The following TSHR variants were observed in gnomAD, a reference collection of about 807,000 sequenced individuals.
TSHR encodes the protein thyroid stimulating hormone receptor.
In TSHR, 51 loss-of-function variants were observed where a neutral mutation model predicts 64.1. That is an observed-to-expected ratio of 0.80 (90% CI 0.64 to 1.01). The LOEUF is 1.01. Among genes scored for constraint, TSHR ranks in the 50% least tolerant of loss-of-function variants. The pLI, the probability that TSHR is intolerant of heterozygous loss-of-function variation, is 0.00. For synonymous variants in TSHR, 361 were observed against 361.9 expected, an observed-to-expected ratio of 1.00 and a Z score of 0.03; for missense variants, 877 against 942.8, an observed-to-expected ratio of 0.93 and a Z score of 0.91.
At chr14:80,982,717 C>T in intron 1 of TSHR, 1 of 845,844 alleles carries the variant, frequency 1.2e-6, no homozygotes, top group Non-Finnish European at 1.7e-6. Context: ...GGCAAGCCCT[C>T]CTTCATATAT....
intron 2 of TSHR, among the ~76,000 whole-genome samples, chr14:81,067,530 C>T (rs115021467): frequency 0.033 from 4,636 of 141,898 alleles, 170 homozygotes; most frequent in African/African-American, 0.096. Flanking sequence ...TATATAATCC[C>T]TATATATACA....
At chr14:81,082,837 A>C (rs1043952473) in intron 3 of TSHR, among the ~76,000 whole-genome samples, 2 of 152,066 alleles carry the variant, frequency 1.3e-5, no homozygotes, top group Admixed American at 6.6e-5. Context: ...ATGAAATGCA[A>C]AGTCGGCTTT....
intron 8 of TSHR, among the ~76,000 whole-genome samples, chr14:81,121,051 T>G (rs1452560755): frequency 6.6e-6 from 1 of 150,754 alleles, no homozygotes; most frequent in Non-Finnish European, 1.5e-5. Flanking sequence ...AGCCACGAGG[T>G]CCACAACCCA....
chr14:81,084,806 C>T (rs1888163797), intron 3 of TSHR, among the ~76,000 whole-genome samples: 1 of 152,200 alleles, frequency 6.6e-6, no homozygotes, highest in Non-Finnish European at 1.5e-5. Flanking sequence ...TTCAAATTCA[C>T]CCTCAGAGGC....
At position 81,100,784 on chromosome 14, in the gene TSHR, C is replaced by T. The variant is rs147814250; in HGVS notation, c.614+4077C>T. On this transcript the variant is annotated intron_variant, in intron 7 of 9. Transcript: ENST00000298171. Reference sequence around the variant, plus strand: ...AGGAAGGAGTGCAGAGCTTCCATGCCCTCTCTGGGCACACACCCTCCCCTC... The same window carrying T: ...AGGAAGGAGTGCAGAGCTTCCATGCTCTCTCTGGGCACACACCCTCCCCTC... Among the ~76,000 whole-genome samples, 153 of 152,274 alleles carry T rather than the reference C, an allele frequency of 1.0e-3. 1 individual carries two copies. The highest frequency in any genetic ancestry group is 3.6e-3 in the African/African-American group (149 of 41,548).
chr14:81,059,689 T>C (rs1345203072), intron 1 of TSHR, among the ~76,000 whole-genome samples: 3 of 152,158 alleles, frequency 2.0e-5, no homozygotes, highest in African/African-American at 2.4e-5. Flanking sequence ...GTATTATTAC[T>C]AAGACAGATG....
In TSHR at chr14:81,062,152, C is replaced by T; in HGVS notation, c.175C>T (p.Leu59Phe). The change falls in exon 2 of 10, where the codon CTT becomes TTT. Residue 59 changes from leucine (L) to phenylalanine (F), a missense_variant. Leu to Phe is a conservative substitution (Grantham distance 22). Coordinates refer to ENST00000298171, the MANE Select transcript of TSHR (RefSeq NM_000369.5). ...SLPPSTQTLK[L>F]IETHLRTIPS... ...ATGTAACTGTTATTTTCACAGGAAG[C>T]TTATTGAGACTCACCTGAGAACTAT... The T allele has an allele frequency of 1.2e-6, 2 of 1,610,704 alleles. No homozygotes were observed. The highest frequency in any genetic ancestry group is 1.7e-6 in the Non-Finnish European group (2 of 1,177,948).
At chr14:80,998,039 A>G (rs1889114677) in intron 1 of TSHR, among the ~76,000 whole-genome samples, 1 of 152,226 alleles carries the variant, frequency 6.6e-6, no homozygotes. Flanking sequence ...ATGCCATTAC[A>G]TCATTATGAA....
chr14:81,072,312 T>C (rs1001710282), intron 3 of TSHR, among the ~76,000 whole-genome samples: 1 of 152,204 alleles, frequency 6.6e-6, no homozygotes, highest in Non-Finnish European at 1.5e-5. Flanking sequence ...AATTAAAATA[T>C]GCAGTAGCTT....
In TSHR at chr14:81,143,902, C is replaced by T; in HGVS notation, c.1844C>T (p.Pro615Leu). The T allele has an allele frequency of 6.2e-7, 1 of 1,614,176 alleles. No individual in the cohort carries two copies. Residue 615 changes from proline to leucine, a missense_variant, in exon 10 of 10, where the codon CCA (proline) becomes CTA (leucine). Transcript: ENST00000298171. ...ACAGTCCGAAATCCGCAGTACAACC[C>T]AGGGGACAAAGATACCAAAATTGCC... ...YITVRNPQYN[P>L]GDKDTKIAKR... is the part of the protein sequence containing the mutation.
chr14:81,021,193 C>A (rs906141491), intron 1 of TSHR, among the ~76,000 whole-genome samples: 2 of 152,122 alleles, frequency 1.3e-5, no homozygotes, highest in African/African-American at 4.8e-5. Context: ...AATTGTCTTC[C>A]ATGAAACTGG....
chr14:80,990,834 T>C (rs2139740162), intron 1 of TSHR, among the ~76,000 whole-genome samples: 1 of 152,264 alleles, frequency 6.6e-6, no homozygotes, highest in East Asian at 1.9e-4. Context: ...TTTATATCGT[T>C]AGTAGAGACG....
chr14:81,140,143 G>A (rs1227732838), intron 9 of TSHR, among the ~76,000 whole-genome samples: 1 of 152,200 alleles, frequency 6.6e-6, no homozygotes, highest in Non-Finnish European at 1.5e-5. Flanking sequence ...ATAGAATCTT[G>A]TAGAGGTTAT....
chr14:81,020,499 G>C (rs897773991), intron 1 of TSHR, among the ~76,000 whole-genome samples: 1 of 152,210 alleles, frequency 6.6e-6, no homozygotes, highest in African/African-American at 2.4e-5. Flanking sequence ...GCACATGCGA[G>C]GGACCTAGAC....
intron 1 of TSHR, among the ~76,000 whole-genome samples, chr14:81,029,304 C>T (rs1555372699): frequency 1.3e-5 from 2 of 151,830 alleles, no homozygotes; most frequent in Non-Finnish European, 1.5e-5. Flanking sequence ...TCTTATTTAA[C>T]TCAGTGTTAT....
At chr14:81,100,334 A>C (rs1889495676) in intron 7 of TSHR, among the ~76,000 whole-genome samples, 2 of 152,096 alleles carry the variant, frequency 1.3e-5, no homozygotes, top group East Asian at 3.9e-4. Flanking sequence ...CAGACTTTTG[A>C]GGGGAATACC....
At chr14:81,021,511 G>C (rs1360290934) in intron 1 of TSHR, among the ~76,000 whole-genome samples, 1 of 152,298 alleles carries the variant, frequency 6.6e-6, no homozygotes, top group Non-Finnish European at 1.5e-5. Flanking sequence ...AAAGAGAAGA[G>C]AGGACAGTAG....
At chr14:81,127,345 A>G (rs1891057149) in intron 8 of TSHR, among the ~76,000 whole-genome samples, 1 of 152,200 alleles carries the variant, frequency 6.6e-6, no homozygotes, top group Non-Finnish European at 1.5e-5. Context: ...TCTAAAAGAA[A>G]TAAACACTTA....
At chr14:80,985,620 T>C (rs1888407329) in intron 1 of TSHR, among the ~76,000 whole-genome samples, 1 of 152,202 alleles carries the variant, frequency 6.6e-6, no homozygotes, top group African/African-American at 2.4e-5. Flanking sequence ...TTGTAATCCC[T>C]AGTCTGAGCT....
Sources: gnomAD v4.1 joint callset for allele counts (sites outside exome capture counted in the v4.1 genomes callset) on GRCh38, gnomAD v4.1.1 for gene constraint, MANE v1.5 for transcripts, NCBI Gene and HGNC (gene_info 2026-07-23, HGNC 2026-07-21) for gene names.